Variants in MYBL2 observed in about 807,000 individuals in gnomAD.
MYBL2 encodes the protein myb-related protein B.
MYBL2 carries 28 observed loss-of-function variants against 79.9 expected under a neutral mutation model. That is an observed-to-expected ratio of 0.35 (90% CI 0.26 to 0.48). The LOEUF is 0.48. Ranked by LOEUF, MYBL2 falls within the 20% of genes least tolerant of loss-of-function variation. The pLI is 0.99. For synonymous variants in MYBL2, 378 were observed against 361.2 expected (o/e 1.05, Z -0.53); for missense variants, 735 against 893.9 (o/e 0.82, Z 2.27).
Position 43,711,604 on chromosome 20 carries a change from G to GATAAATATATATA in MYBL2, c.1719+4_1719+5insTAAATATATATAA. On this transcript the variant is annotated splice_donor_region_variant and intron_variant, in intron 11 of 13. Coordinates refer to ENST00000217026, the MANE Select transcript of MYBL2 (RefSeq NM_002466.4). ...AGAAGCAGAAGAGGAAGCCTGGGGTGAGTAGGGTAGGGGTGGGAGAGCCTG... is the reference window on the plus strand; with the variant it reads ...AGAAGCAGAAGAGGAAGCCTGGGGTGATAAATATATATAAGTAGGGTAGGGGTGGGAGAGCCTG... The GATAAATATATATA allele has an allele frequency of 6.2e-7, 1 of 1,610,144 alleles. No homozygotes were observed. Among genetic ancestry groups the GATAAATATATATA allele is most frequent in the South Asian group, 1.1e-5 (1 of 90,418 alleles).
chr20:43,691,869 AT>A lies in MYBL2; in HGVS notation c.501-284del, dbSNP rs1255549972. 4.6e-5 allele frequency among the ~76,000 whole-genome samples: 7 copies of A among 151,236 alleles called. No homozygotes were observed. The East Asian group carries it at 9.7e-4, about 21-fold the overall frequency. On this transcript the variant is annotated intron_variant, in intron 5 of 13. Coordinates refer to ENST00000217026, the MANE Select transcript of MYBL2 (RefSeq NM_002466.4). ...TTTTTTTTTTTTTTAATTAAAAAAA[AT>A]TTTGTTTTTTACCTGAACCTGACAG...
chr20:43,697,593 A>G (rs1038851121), intron 6 of MYBL2, among the ~76,000 whole-genome samples: 1 of 151,530 alleles, frequency 6.6e-6, no homozygotes. Context: ...CCTGGGTAAC[A>G]GCAAGACTCT....
chr20:43,669,415 G>A (rs1986807672), intron 1 of MYBL2, among the ~76,000 whole-genome samples: 1 of 152,208 alleles, frequency 6.6e-6, no homozygotes. Flanking sequence ...CCCCTCCTGT[G>A]TGAAGGATGG....
In MYBL2 at chr20:43,708,452, G is replaced by A. The variant is rs139445017; in HGVS notation, c.1506-1511G>A. Among the ~76,000 whole-genome samples, 53 of 151,614 alleles carry A rather than the reference G, an allele frequency of 3.5e-4. No individual in the cohort carries two copies. The East Asian group carries it at 9.7e-3, about 28-fold the overall frequency. On this transcript the variant is annotated intron_variant, in intron 9 of 13. Transcript: ENST00000217026. ...ATACACTCTTTTTTTTCTTTTTTCC[G>A]AGACAAGGTCTCTCTTAGTCACCCG...
At chr20:43,681,931 C>A in intron 3 of MYBL2, 76 bp downstream of exon 3, 1 of 1,501,086 alleles carries the variant, frequency 6.7e-7, no homozygotes, top group Non-Finnish European at 9.2e-7. Flanking sequence ...CAGACTTTGC[C>A]AAGGAGGGGA....
intron 3 of MYBL2, among the ~76,000 whole-genome samples, 183 bp from the exon 4 acceptor site, chr20:43,682,611 G>C (rs980592726): frequency 6.6e-6 from 1 of 152,212 alleles, no homozygotes; most frequent in African/African-American, 2.4e-5. Flanking sequence ...GTAGCAAAGG[G>C]AAACCGCCCA....
intron 2 of MYBL2, among the ~76,000 whole-genome samples, chr20:43,678,377 G>A (rs1405455324): frequency 6.6e-6 from 1 of 152,048 alleles, no homozygotes; most frequent in African/African-American, 2.4e-5. Context: ...ATTCCTCGAG[G>A]GCCTTGAATG....
At chr20:43,680,869 A>G (rs1038124844) in intron 2 of MYBL2, among the ~76,000 whole-genome samples, 1 of 152,194 alleles carries the variant, frequency 6.6e-6, no homozygotes, top group Non-Finnish European at 1.5e-5. Context: ...TTTGTAGTAC[A>G]ATTCAGTAGA....
rs1323182096 is a variant in MYBL2 at position 43,686,942 on chromosome 20, C to T, written c.370C>T (p.Arg124Cys). ...CCGGCTGGGGAAGCAGTGCCGTGAA[C>T]GCTGGCACAACCACCTCAACCCTGA... ...KGRLGKQCRE[R>C]WHNHLNPEVK... Residue 124 changes from arginine to cysteine, a missense_variant, in exon 5 of 14, where the codon CGC becomes TGC. Arg to Cys is a radical substitution (Grantham distance 180). Transcript: ENST00000217026. 1.9e-6 allele frequency: 3 copies of T among 1,614,074 alleles called. No homozygotes were observed. Among genetic ancestry groups the T allele is most frequent in the Admixed American group, 1.7e-5 (1 of 59,996 alleles).
At chr20:43,695,917 C>A (rs757582884) in intron 6 of MYBL2, among the ~76,000 whole-genome samples, 2 of 152,024 alleles carry the variant, frequency 1.3e-5, no homozygotes, top group African/African-American at 2.4e-5. Context: ...GGCTGAGGCA[C>A]GATAATTGAG....
intron 12 of MYBL2, among the ~76,000 whole-genome samples, chr20:43,714,493 A>C (rs930144877): frequency 3.3e-5 from 5 of 152,036 alleles, no homozygotes; most frequent in Middle Eastern, 3.2e-3. Context: ...CCCAGGGCTG[A>C]TGTGCCCCCA....
chr20:43,715,296 G>A lies in MYBL2; in HGVS notation c.1974+13G>A, dbSNP rs1027467955. ...GACACCTGCCCCTGTGAGTGCTGTGGCCATCTCTGGGGGTCCTGCAGTGCC... is the reference window on the plus strand; with the variant it reads ...GACACCTGCCCCTGTGAGTGCTGTGACCATCTCTGGGGGTCCTGCAGTGCC... On this transcript the variant is annotated intron_variant, in intron 13 of 13. Transcript: ENST00000217026. 1.2e-6 allele frequency: 2 copies of A among 1,614,118 alleles called. No homozygotes were observed. Among genetic ancestry groups the A allele is most frequent in the Non-Finnish European group, 1.7e-6 (2 of 1,179,994 alleles).
At chr20:43,674,353 C>T (rs1600541616) in intron 2 of MYBL2, among the ~76,000 whole-genome samples, 2 of 149,518 alleles carry the variant, frequency 1.3e-5, no homozygotes, top group South Asian at 4.2e-4. Context: ...TCTCCTGCCT[C>T]AGGTGCGATT....
rs546157309 is a variant in MYBL2 at position 43,691,685 on chromosome 20, A to G, written c.501-472A>G. On this transcript the variant is annotated intron_variant, in intron 5 of 13. Coordinates refer to ENST00000217026, the MANE Select transcript of MYBL2 (RefSeq NM_002466.4). ...CTCCCAAGTAGCTGGGATTACAGGC[A>G]TGTGCCACCATGCCTGGCTAATTTT... Among the ~76,000 whole-genome samples the G allele has an allele frequency of 7.9e-5, 12 of 151,918 alleles. No individual in the cohort carries two copies. In the South Asian group the frequency reaches 2.5e-3, roughly 32 times the overall value.
At chr20:43,676,753 G>A (rs1987018469) in intron 2 of MYBL2, among the ~76,000 whole-genome samples, 1 of 152,124 alleles carries the variant, frequency 6.6e-6, no homozygotes, top group Non-Finnish European at 1.5e-5. Flanking sequence ...TACCATTTTA[G>A]ACTTCTACTG....
intron 6 of MYBL2, among the ~76,000 whole-genome samples, chr20:43,696,421 A>G (rs1194313575): frequency 2.4e-5 from 3 of 126,990 alleles, no homozygotes; most frequent in Non-Finnish European, 4.9e-5. Flanking sequence ...GGGTTTCTCC[A>G]TGTTGGTCAG....
intron 6 of MYBL2, 75 bp from the exon 7 acceptor site, chr20:43,699,662 TTCCTTCTTAGATTCAGGTTG>T (rs1221359286): frequency 7.4e-7 from 1 of 1,356,212 alleles, no homozygotes; most frequent in African/African-American, 1.5e-5. Flanking sequence ...TCATCACAGT[TTCCTTCTTAGATTCAGGTTG>T]TGTGGTTTAG....
rs905945340 is a variant in MYBL2, at chr20:43,705,359, G to A, written c.1505+1G>A. The A allele has an allele frequency of 6.2e-7, 1 of 1,609,852 alleles. No homozygotes were observed. The highest frequency in any genetic ancestry group is 8.5e-7 in the Non-Finnish European group (1 of 1,177,940). Reference sequence around the variant, plus strand: ...CACCCCTGCACCAGAAACATGCTGCGTGAGTGCTGCAGTGCCCCCAACCTT... The same window carrying A: ...CACCCCTGCACCAGAAACATGCTGCATGAGTGCTGCAGTGCCCCCAACCTT... On this transcript the variant is annotated splice_donor_variant, in intron 9 of 13. Transcript: ENST00000217026. LOFTEE classifies it high-confidence loss of function.
intron 1 of MYBL2, 123 bp downstream of exon 1, chr20:43,667,426 G>A (rs1986745177): frequency 1.4e-6 from 1 of 694,530 alleles, no homozygotes; most frequent in African/African-American, 1.9e-5. Flanking sequence ...TGTTGGGGGT[G>A]GGGTGTTTCC....
Sources: gnomAD v4.1 joint callset for allele counts (sites outside exome capture counted in the v4.1 genomes callset) on GRCh38, gnomAD v4.1.1 for gene constraint, MANE v1.5 for transcripts, NCBI Gene and HGNC (gene_info 2026-07-23, HGNC 2026-07-21) for gene names.